The following CLEC2A variants were observed in gnomAD, a reference collection of about 807,000 sequenced individuals.
CLEC2A encodes the protein keratinocyte-associated C-type lectin.
CLEC2A carries 19 observed loss-of-function variants against 18.6 expected under a neutral mutation model. The ratio of observed to expected loss-of-function variants is 1.02; its 90% confidence interval spans 0.71 to 1.50. CLEC2A has a LOEUF of 1.50. CLEC2A is among the 40% of genes most tolerant of loss of function. The pLI, the probability that CLEC2A is intolerant of heterozygous loss-of-function variation, is 0.00. For missense variants in CLEC2A, 190 were observed against 207.9 expected, an observed-to-expected ratio of 0.91 and a Z score of 0.53; for synonymous variants, 74 against 64.0, an observed-to-expected ratio of 1.16 and a Z score of -0.75.
At chr12:9,894,560 T>A (rs1230992619), downstream of CLEC2A, among the ~76,000 whole-genome samples, 4 of 152,196 alleles carry the variant, frequency 2.6e-5, no homozygotes, top group African/African-American at 7.2e-5. Flanking sequence ...ACATGAGGTG[T>A]TGCATGTAAG....
At chr12:9,929,546 T>C (rs1863339505) in intron 1 of CLEC2A, among the ~76,000 whole-genome samples, 1 of 152,166 alleles carries the variant, frequency 6.6e-6, no homozygotes, top group African/African-American at 2.4e-5. Context: ...GTGTGGACTT[T>C]CTTTCAAAAA....
Position 9,922,235 on chromosome 12 carries a change from G to GAAA in CLEC2A, c.140-6_140-4dup. 1 of 1,478,314 alleles carries GAAA rather than the reference G, an allele frequency of 6.8e-7. No individual in the cohort carries two copies. The highest frequency in any genetic ancestry group is 9.0e-7 in the Non-Finnish European group (1 of 1,109,778). The allele number at this position is 1,478,314 out of a possible 1,614,324, so 91.6% of individuals were successfully genotyped here. A position where few individuals can be genotyped will look rare whatever the true frequency, so the allele number is the denominator to read the frequency against. On this transcript the variant is annotated splice_polypyrimidine_tract_variant and splice_region_variant and intron_variant, in intron 2 of 4. Coordinates refer to ENST00000455827, the MANE Select transcript of CLEC2A (RefSeq NM_001130711.2). ...TTTAGCATGCTTGGACCATGTGGCT[G>GAAA]AAAAAAAAAGAAAGAAATGATCAGA...
At chr12:9,926,365 AT>A in intron 1 of CLEC2A, 22 bp from the exon 2 acceptor site, 1 of 1,437,700 alleles carries the variant, frequency 7.0e-7, no homozygotes, top group Non-Finnish European at 9.6e-7. Context: ...ATCAACACAT[AT>A]TTTACAATTT....
the CLEC2A span, chr12:9,893,232 C>T: frequency 7.0e-7 from 1 of 1,434,592 alleles, no homozygotes. Flanking sequence ...AGTTCACTGC[C>T]TAAGAAGCTT....
the CLEC2A span, among the ~76,000 whole-genome samples, chr12:9,884,459 C>T: frequency 1.3e-5 from 2 of 151,274 alleles, no homozygotes; most frequent in Admixed American, 6.6e-5. Context: ...ATATTTCTTT[C>T]CCTCTTTTAT....
downstream of CLEC2A, among the ~76,000 whole-genome samples, chr12:9,895,345 A>T (rs1862744893): frequency 6.6e-6 from 1 of 152,224 alleles, no homozygotes; most frequent in Non-Finnish European, 1.5e-5. Flanking sequence ...TAAGGGAGAG[A>T]TAATGGTAGC....
the CLEC2A span, among the ~76,000 whole-genome samples, chr12:9,891,128 C>G: frequency 6.7e-6 from 1 of 149,612 alleles, no homozygotes; most frequent in African/African-American, 2.5e-5. Context: ...TTTTCCTTTT[C>G]ATATCTTCCT....
downstream of CLEC2A, among the ~76,000 whole-genome samples, chr12:9,897,727 G>A (rs931468494): frequency 4.6e-5 from 7 of 151,938 alleles, no homozygotes; most frequent in African/African-American, 1.2e-4. Context: ...GCAGGCCCCC[G>A]GTCCATTGTG....
In CLEC2A at chr12:9,915,449, A is replaced by C. The variant is rs141114618; in HGVS notation, c.410+1251T>G. The stretch of plus-strand genomic sequence containing the variant: ...TTACAATAGCAAAAACATGGAATCA[A>C]CCCAAAGGGCTATCAAAGATAGACT... On this transcript the variant is annotated intron_variant, in intron 4 of 4. Transcript: ENST00000455827. Among the ~76,000 whole-genome samples, 79 of 152,294 alleles carry C rather than the reference A, an allele frequency of 5.2e-4. 1 individual carries two copies. The highest frequency in any genetic ancestry group is 5.1e-3 in the Admixed American group (78 of 15,292).
At position 9,900,348 on chromosome 12, in the gene CLEC2A, A is replaced by G. The variant is rs185286249; in HGVS notation, c.411-1372T>C. 1.4e-3 allele frequency among the ~76,000 whole-genome samples: 220 copies of G among 152,310 alleles called. 1 individual carries two copies. The highest frequency in any genetic ancestry group is 0.012 in the Admixed American group (188 of 15,292). Reference sequence around the variant, plus strand: ...TGTAAGCAAAAACTTCAAAACAACGAGTGATCTTAGAATTTAATAACAAAT... The same window carrying G: ...TGTAAGCAAAAACTTCAAAACAACGGGTGATCTTAGAATTTAATAACAAAT... On this transcript the variant is annotated intron_variant, in intron 4 of 4. Coordinates refer to the CLEC2A transcript ENST00000339766.
chr12:9,888,840 C>A, the CLEC2A span: 27 of 1,020,336 alleles, frequency 2.6e-5, no homozygotes, highest in Non-Finnish European at 3.8e-5. Flanking sequence ...TTTGGCTTCC[C>A]TCTTCCTGGC....
At chr12:9,896,208 G>A (rs1862754043), downstream of CLEC2A, among the ~76,000 whole-genome samples, 1 of 152,138 alleles carries the variant, frequency 6.6e-6, no homozygotes, top group Non-Finnish European at 1.5e-5. Context: ...AGCAGTATAT[G>A]TACAAATATA....
At chr12:9,903,569 T>C (rs1232313393) in intron 4 of CLEC2A, among the ~76,000 whole-genome samples, 1 of 152,220 alleles carries the variant, frequency 6.6e-6, no homozygotes, top group African/African-American at 2.4e-5. Context: ...AAGTAGAATA[T>C]TGAGTTCCAA....
chr12:9,882,117 A>C, the CLEC2A span, among the ~76,000 whole-genome samples: 384 of 152,272 alleles, frequency 2.5e-3, 3 homozygotes, highest in African/African-American at 8.6e-3. Context: ...AGAAAAAAAA[A>C]CAAAAAAACA....
At chr12:9,882,631 A>T in the CLEC2A span, among the ~76,000 whole-genome samples, 1 of 152,088 alleles carries the variant, frequency 6.6e-6, no homozygotes, top group African/African-American at 2.4e-5. Context: ...TACAAAAAAA[A>T]TTAGCTGGGT....
chr12:9,911,083 G>C (rs955611199), downstream of CLEC2A, among the ~76,000 whole-genome samples: 1 of 152,184 alleles, frequency 6.6e-6, no homozygotes, highest in African/African-American at 2.4e-5. Context: ...CTTCTGTGTA[G>C]TTCCCCATTG....
chr12:9,893,058 G>A, the CLEC2A span: 30 of 1,535,702 alleles, frequency 2.0e-5, no homozygotes, highest in Admixed American at 7.8e-5. Context: ...GCTGTTGAAC[G>A]AAGGGAAATG....
chr12:9,888,275 G>T, the CLEC2A span, among the ~76,000 whole-genome samples: 1 of 151,702 alleles, frequency 6.6e-6, no homozygotes, highest in Non-Finnish European at 1.5e-5. Context: ...CGGATCACGA[G>T]GTCAGGAGAT....
At chr12:9,926,381 A>T in intron 1 of CLEC2A, 38 bp from the exon 2 acceptor site, 2 of 1,255,004 alleles carry the variant, frequency 1.6e-6, no homozygotes, top group South Asian at 1.3e-5. Context: ...CAATTTCTGA[A>T]TAAACACTGA....
Sources: gnomAD v4.1 joint callset for allele counts (sites outside exome capture counted in the v4.1 genomes callset) on GRCh38, gnomAD v4.1.1 for gene constraint, MANE v1.5 for transcripts, NCBI Gene and HGNC (gene_info 2026-07-23, HGNC 2026-07-21) for gene names.